Variants in SCNN1B observed in about 807,000 individuals in gnomAD.
The protein encoded by SCNN1B is sodium channel epithelial 1 subunit beta.
Under a neutral mutation model 65.3 loss-of-function variants are expected in SCNN1B, and 46 were observed. The ratio of observed to expected loss-of-function variants is 0.70; its 90% CI spans 0.56 to 0.90. The LOEUF (loss-of-function observed/expected upper bound fraction) is 0.90. Among genes scored for constraint, SCNN1B ranks in the 40% least tolerant of loss-of-function variants. The probability of loss-of-function intolerance (pLI) is 0.00; values close to 1 mark genes in which losing one functional copy is unlikely to be tolerated. For missense variants in SCNN1B, 751 were observed against 830.5 expected, an observed-to-expected ratio of 0.90 and a Z score of 1.18; for synonymous variants, 349 against 330.6, an observed-to-expected ratio of 1.06 and a Z score of -0.60.
chr16:23,293,065 A>C (rs1960948441), intron 2 of SCNN1B, among the ~76,000 whole-genome samples: 1 of 141,066 alleles, frequency 7.1e-6, no homozygotes, highest in Non-Finnish European at 1.5e-5. Context: ...CAGCGAGCCG[A>C]GACTGCGCCA....
Position 23,317,558 on chromosome 16 carries a change from C to T in SCNN1B, c.-9+15121C>T, listed in dbSNP as rs72652294. 7.9e-5 allele frequency among the ~76,000 whole-genome samples: 12 copies of T among 152,222 alleles called. No homozygotes were observed. The South Asian group carries it at 1.7e-3, about 21-fold the overall frequency. On this transcript the variant is annotated intron_variant, in intron 1 of 12. Coordinates refer to ENST00000343070, the MANE Select transcript of SCNN1B (RefSeq NM_000336.3). ...TTCAGAGCTGATGCTGCCGCCAATC[C>T]GGTCTGAGAGAGAGCAGGGAGCAGG...
intron 8 of SCNN1B, among the ~76,000 whole-genome samples, chr16:23,376,387 T>A (rs1962897015): frequency 6.6e-6 from 1 of 151,988 alleles, no homozygotes; most frequent in Non-Finnish European, 1.5e-5. Context: ...CGTGCATGTA[T>A]GTATAAGGCC....
chr16:23,328,773 A>G (rs1961748668), intron 1 of SCNN1B, among the ~76,000 whole-genome samples: 1 of 151,962 alleles, frequency 6.6e-6, no homozygotes. Flanking sequence ...CTATACCTTG[A>G]GCGTTTATTT....
intron 1 of SCNN1B, among the ~76,000 whole-genome samples, chr16:23,342,009 C>A (rs577816218): frequency 6.6e-6 from 1 of 152,194 alleles, no homozygotes; most frequent in South Asian, 2.1e-4. Context: ...AGAAATGAAA[C>A]CTATTTCTAC....
intron 1 of SCNN1B, among the ~76,000 whole-genome samples, chr16:23,305,590 T>C (rs1167083479): frequency 8.7e-6 from 1 of 115,028 alleles, no homozygotes; most frequent in African/African-American, 2.9e-5. Context: ...TATATATATA[T>C]ATATATATAA....
rs968141937 is a variant in SCNN1B at position 23,348,107 on chromosome 16, A to G, written c.-8-485A>G. 1.3e-5 allele frequency among the ~76,000 whole-genome samples: 2 copies of G among 152,182 alleles called. No individual in the cohort carries two copies. The highest frequency in any genetic ancestry group is 1.9e-4 in the East Asian group (1 of 5,184). On this transcript the variant is annotated intron_variant, in intron 1 of 12. Coordinates refer to ENST00000343070, the MANE Select transcript of SCNN1B (RefSeq NM_000336.3). The surrounding 1 kb of genome is among the most constrained non-coding windows in gnomAD (Gnocchi z 4.5). ...CACTCACCTGGGACCATGCAGACAC[A>G]TCATGGGGAGGACATGTAAACTCCA...
intron 1 of SCNN1B, among the ~76,000 whole-genome samples, chr16:23,331,438 C>T (rs1290290530): frequency 4.0e-5 from 6 of 151,638 alleles, no homozygotes; most frequent in East Asian, 1.9e-4. Context: ...GATTCTCCTG[C>T]GTCAGCCTCC....
At chr16:23,339,689 C>A (rs1296934281) in intron 1 of SCNN1B, among the ~76,000 whole-genome samples, 1 of 152,038 alleles carries the variant, frequency 6.6e-6, no homozygotes, top group East Asian at 1.9e-4. Flanking sequence ...TCTCAGCCTC[C>A]CAAGTAGCTG....
intron 11 of SCNN1B, among the ~76,000 whole-genome samples, chr16:23,379,079 A>AGCT (rs1962977052): frequency 2.0e-5 from 3 of 146,922 alleles, no homozygotes; most frequent in African/African-American, 7.8e-5. Context: ...TCTCCCACCC[A>AGCT]GCCATCCTCC....
chr16:23,323,122 T>C (rs1044307666), intron 1 of SCNN1B, among the ~76,000 whole-genome samples: 3 of 151,536 alleles, frequency 2.0e-5, no homozygotes, highest in Admixed American at 6.6e-5. Flanking sequence ...CACTTGAACC[T>C]GGGAGGCAGA....
At chr16:23,352,566 A>G (rs1438160762) in intron 2 of SCNN1B, among the ~76,000 whole-genome samples, 1 of 152,116 alleles carries the variant, frequency 6.6e-6, no homozygotes, top group Non-Finnish European at 1.5e-5. Context: ...GCCATGTAAG[A>G]CATGCCTTGC....
chr16:23,367,536 G>T lies in SCNN1B; in HGVS notation c.777-320G>T, dbSNP rs144578337. Reference sequence around the variant, plus strand: ...TGGTCTCAAACTCCTGGCCTCAAGCGGTCCTCCCGCCTCAGCCTTCCAAAG... The same window carrying T: ...TGGTCTCAAACTCCTGGCCTCAAGCTGTCCTCCCGCCTCAGCCTTCCAAAG... On this transcript the variant is annotated intron_variant, in intron 4 of 12. Coordinates refer to ENST00000343070, the MANE Select transcript of SCNN1B (RefSeq NM_000336.3). Among the ~76,000 whole-genome samples the T allele has an allele frequency of 6.8e-3, 1,040 of 152,272 alleles. 9 individuals carry two copies. Among genetic ancestry groups the T allele is most frequent in the African/African-American group, 0.024 (985 of 41,546 alleles).
intron 1 of SCNN1B, among the ~76,000 whole-genome samples, chr16:23,331,253 C>T (rs1178488085): frequency 6.6e-6 from 1 of 152,018 alleles, no homozygotes; most frequent in Non-Finnish European, 1.5e-5. Context: ...CAAGTTTGGC[C>T]TTAAGTACTC....
chr16:23,371,228 A>C (rs1264267291), intron 5 of SCNN1B, 71 bp from the exon 6 acceptor site: 1 of 1,563,382 alleles, frequency 6.4e-7, no homozygotes, highest in African/African-American at 1.4e-5. Flanking sequence ...GAGCTTGGAG[A>C]AGTGGGTAGT....
chr16:23,305,525 A>G lies in SCNN1B; in HGVS notation c.-9+3088A>G, dbSNP rs1961176367. 1.0e-3 allele frequency among the ~76,000 whole-genome samples: 5 copies of G among 4,806 alleles called. No individual in the cohort carries two copies. The Admixed American group carries it at 0.016, about 15-fold the overall frequency. The allele number at this position is 4,806 out of a possible 152,430, so 3.2% of individuals were successfully genotyped here. A position where few individuals can be genotyped will look rare whatever the true frequency, so the allele number is the denominator to read the frequency against. On this transcript the variant is annotated intron_variant, in intron 1 of 12. Coordinates refer to ENST00000343070, the MANE Select transcript of SCNN1B (RefSeq NM_000336.3). ...CATGGCAAAAACCCATCTCTACCAA[A>G]TATATATATTATATATATATATATA...
Position 23,354,072 on chromosome 16 carries a change from T to C in SCNN1B, c.585+998T>C, listed in dbSNP as rs567097159. Among the ~76,000 whole-genome samples, 10 of 152,284 alleles carry C rather than the reference T, an allele frequency of 6.6e-5. No individual in the cohort carries two copies. The East Asian group carries it at 1.9e-3, about 29-fold the overall frequency. On this transcript the variant is annotated intron_variant, in intron 3 of 12. Coordinates refer to ENST00000343070, the MANE Select transcript of SCNN1B (RefSeq NM_000336.3). ...GGAGCCACTGCCTTGCTGCTCACAC[T>C]CATGGCGTTATGACTTCCACAACTG...
rs1305934737 is a variant in SCNN1B, at chr16:23,325,410, T to C, written c.-9+22973T>C. Among the ~76,000 whole-genome samples, 8 of 151,806 alleles carry C rather than the reference T, an allele frequency of 5.3e-5. No individual in the cohort carries two copies. The East Asian group carries it at 1.5e-3, about 29-fold the overall frequency. ...GCCTCCCGAGTTTTTGGGATTACCTTCCTGCACCACCATGCCCAGCTAATT... is the reference window on the plus strand; with the variant it reads ...GCCTCCCGAGTTTTTGGGATTACCTCCCTGCACCACCATGCCCAGCTAATT... On this transcript the variant is annotated intron_variant, in intron 1 of 12. Coordinates refer to ENST00000343070, the MANE Select transcript of SCNN1B (RefSeq NM_000336.3).
chr16:23,330,762 G>T (rs1217505841), intron 1 of SCNN1B, among the ~76,000 whole-genome samples: 1 of 152,068 alleles, frequency 6.6e-6, no homozygotes, highest in Non-Finnish European at 1.5e-5. Flanking sequence ...TTCTAGAAAT[G>T]GGGTCTTGCT....
intron 1 of SCNN1B, among the ~76,000 whole-genome samples, chr16:23,340,897 AGTGT>A (rs60710187): frequency 6.8e-4 from 103 of 150,808 alleles, no homozygotes; most frequent in Admixed American, 7.3e-4. Flanking sequence ...GTTGCTTTGA[AGTGT>A]GTGTGTGTGT....
Sources: allele counts gnomAD v4.1 joint callset (sites outside exome capture counted in the v4.1 genomes callset), GRCh38; gene constraint gnomAD v4.1.1; non-coding constraint Gnocchi (gnomAD v3.1); transcripts MANE v1.5; gene names NCBI Gene and HGNC (gene_info 2026-07-23, HGNC 2026-07-21).